Variants in CYP19A1 observed in about 807,000 individuals in gnomAD.
CYP19A1 encodes aromatase.
A neutral mutation model predicts 44.4 loss-of-function variants in CYP19A1; 32 were observed. The observed-to-expected ratio is 0.72, with a 90% CI of 0.54 to 0.97. CYP19A1 has a LOEUF of 0.97. CYP19A1 is among the 50% of genes least tolerant of loss of function. CYP19A1 has a pLI of 0.00. For synonymous variants in CYP19A1, 212 were observed against 215.6 expected (o/e 0.98, Z 0.14); for missense variants, 598 against 637.8 (o/e 0.94, Z 0.67).
chr15:51,291,015 C>T (rs2035832190), intron 1 of CYP19A1, among the ~76,000 whole-genome samples: 2 of 152,194 alleles, frequency 1.3e-5, no homozygotes, highest in African/African-American at 4.8e-5. Context: ...GGGATAGACA[C>T]GGGCTACCCT....
chr15:51,215,276 A>T, intron 7 of CYP19A1, 44 bp from the exon 8 acceptor site: 2 of 1,613,326 alleles, frequency 1.2e-6, no homozygotes, highest in Non-Finnish European at 1.7e-6. Flanking sequence ...AGTGAATCAA[A>T]GTTTCAAAAA....
At chr15:51,296,351 C>T (rs2035994893) in intron 1 of CYP19A1, among the ~76,000 whole-genome samples, 1 of 152,106 alleles carries the variant, frequency 6.6e-6, no homozygotes, top group Non-Finnish European at 1.5e-5. Context: ...GAGTGTCCCT[C>T]TCCCAAGTCA....
At chr15:51,271,719 G>C (rs971963222) in intron 1 of CYP19A1, among the ~76,000 whole-genome samples, 3 of 152,168 alleles carry the variant, frequency 2.0e-5, no homozygotes, top group Admixed American at 2.0e-4. Flanking sequence ...TCTGAGGTCA[G>C]GCTGTATCCT....
chr15:51,254,336 A>G (rs1427670636), intron 1 of CYP19A1, among the ~76,000 whole-genome samples: 1 of 152,184 alleles, frequency 6.6e-6, no homozygotes, highest in African/African-American at 2.4e-5. Context: ...TTTCTACCAC[A>G]CTTGGTTGCA....
At chr15:51,235,565 C>A (rs983706576) in intron 3 of CYP19A1, among the ~76,000 whole-genome samples, 1 of 152,130 alleles carries the variant, frequency 6.6e-6, no homozygotes, top group Non-Finnish European at 1.5e-5. Context: ...CTGAATGAAA[C>A]AAACAAACAA....
rs747645435 is a variant in CYP19A1, at chr15:51,212,433, C to T, written c.1150G>A (p.Asp384Asn). The part of the protein sequence containing the change: ...MRKALEDDVI[D>N]GYPVKKGTNI... Reference sequence around the variant, plus strand: ...GTCCCCTTTTTCACTGGGTAGCCATCGATTACATCATCTTCTAAGGCTTTG... The same window carrying T: ...GTCCCCTTTTTCACTGGGTAGCCATTGATTACATCATCTTCTAAGGCTTTG... Residue 384 changes from aspartate to asparagine, a missense_variant, in exon 9 of 10, where the codon GAT becomes AAT. Coordinates refer to ENST00000396402, the MANE Select transcript of CYP19A1 (RefSeq NM_000103.4). The T allele has an allele frequency of 7.5e-6, 12 of 1,608,598 alleles. No homozygotes were observed. Among genetic ancestry groups the T allele is most frequent in the Admixed American group, 5.0e-5 (3 of 59,992 alleles).
chr15:51,267,649 T>G (rs540006005), intron 1 of CYP19A1, among the ~76,000 whole-genome samples: 233 of 152,162 alleles, frequency 1.5e-3, no homozygotes, highest in Admixed American at 3.5e-3. Flanking sequence ...GAGACAAGAG[T>G]CCAAGCTCTC....
intron 1 of CYP19A1, among the ~76,000 whole-genome samples, chr15:51,320,782 C>G (rs2036513852): frequency 2.6e-5 from 4 of 152,114 alleles, no homozygotes; most frequent in Admixed American, 6.5e-5. Context: ...GTGTAACACA[C>G]ATATTAAAAA....
chr15:51,219,657 A>G (rs1481429784), intron 5 of CYP19A1, among the ~76,000 whole-genome samples: 1 of 152,160 alleles, frequency 6.6e-6, no homozygotes, highest in Non-Finnish European at 1.5e-5. Context: ...AGGCAAATTG[A>G]GAGTTTAACA....
At chr15:51,223,041 C>A (rs1462248809) in intron 4 of CYP19A1, among the ~76,000 whole-genome samples, 5 of 152,136 alleles carry the variant, frequency 3.3e-5, no homozygotes, top group Admixed American at 2.6e-4. Context: ...TTGTAAAAAT[C>A]CCCCAAAGTG....
chr15:51,307,341 T>G (rs2036233801), intron 1 of CYP19A1, among the ~76,000 whole-genome samples: 1 of 152,206 alleles, frequency 6.6e-6, no homozygotes, highest in African/African-American at 2.4e-5. Context: ...TCTATTGATG[T>G]CACAAGGCTT....
intron 1 of CYP19A1, among the ~76,000 whole-genome samples, chr15:51,297,705 C>G (rs933269503): frequency 6.6e-6 from 1 of 151,988 alleles, no homozygotes; most frequent in Non-Finnish European, 1.5e-5. Context: ...TTCTAGTAAA[C>G]TCTACCTGGT....
chr15:51,297,765 C>G (rs1480401016), intron 1 of CYP19A1, among the ~76,000 whole-genome samples: 2 of 147,326 alleles, frequency 1.4e-5, no homozygotes, highest in Non-Finnish European at 3.0e-5. Flanking sequence ...TTGTAGTCTC[C>G]TTGTAGTCAA....
At chr15:51,225,303 A>G (rs1595686620) in intron 4 of CYP19A1, among the ~76,000 whole-genome samples, 1 of 152,338 alleles carries the variant, frequency 6.6e-6, no homozygotes, top group Admixed American at 6.5e-5. Flanking sequence ...GTCAGGGTAG[A>G]GGATATTGGT....
chr15:51,295,836 G>A (rs1032514924), intron 1 of CYP19A1, among the ~76,000 whole-genome samples: 3 of 152,132 alleles, frequency 2.0e-5, no homozygotes, highest in Non-Finnish European at 4.4e-5. Context: ...CTGGCAGCAC[G>A]GAGGTCTGTG....
chr15:51,236,866 T>A lies in CYP19A1; in HGVS notation c.289A>T (p.Ile97Phe), dbSNP rs1235059925. The change falls in exon 3 of 10, where the codon ATC (isoleucine) becomes TTC (phenylalanine). Residue 97 changes from isoleucine (I) to phenylalanine (F), a missense_variant. Physicochemically the swap from Ile to Phe is conservative, Grantham distance 21 (BLOSUM62 0). Coordinates refer to ENST00000396402, the MANE Select transcript of CYP19A1 (RefSeq NM_000103.4). ...VWISGEETLI[I>F]SKSSSMFHIM... Reference sequence around the variant, plus strand: ...GATTATGAACAGACTCACTTGCTGATAATGAGTGTTTCCTCTCCAGAGATC... The same window carrying A: ...GATTATGAACAGACTCACTTGCTGAAAATGAGTGTTTCCTCTCCAGAGATC... The A allele has an allele frequency of 6.2e-7, 1 of 1,614,072 alleles. No individual in the cohort carries two copies. The highest frequency in any genetic ancestry group is 2.2e-5 in the East Asian group (1 of 44,898).
intron 1 of CYP19A1, among the ~76,000 whole-genome samples, chr15:51,290,599 G>A (rs1452776189): frequency 6.6e-6 from 1 of 152,316 alleles, no homozygotes; most frequent in Non-Finnish European, 1.5e-5. Context: ...ATGGAAAGGG[G>A]TAAGTGTAGG....
chr15:51,292,025 C>T (rs1052318424), intron 1 of CYP19A1, among the ~76,000 whole-genome samples: 3 of 152,100 alleles, frequency 2.0e-5, no homozygotes, highest in South Asian at 4.1e-4. Flanking sequence ...CAGTCAGTCA[C>T]TCAGTCAGTC....
At chr15:51,252,659 C>T (rs2034363428) in intron 1 of CYP19A1, among the ~76,000 whole-genome samples, 1 of 152,180 alleles carries the variant, frequency 6.6e-6, no homozygotes, top group Non-Finnish European at 1.5e-5. Context: ...CATCAAGGCT[C>T]ATGGAATCTC....
Sources: gnomAD v4.1 joint callset for allele counts (sites outside exome capture counted in the v4.1 genomes callset) on GRCh38, gnomAD v4.1.1 for gene constraint, MANE v1.5 for transcripts, NCBI Gene and HGNC (gene_info 2026-07-23, HGNC 2026-07-21) for gene names.